Variants in KIFAP3 observed in about 807,000 individuals in gnomAD.
KIFAP3 encodes kinesin associated protein 3, also known as kinesin-associated protein 3.
KIFAP3 carries 68 observed loss-of-function variants against 106.5 expected under a neutral mutation model. That is an observed-to-expected ratio of 0.64 (90% CI 0.53 to 0.78). The LOEUF (loss-of-function observed/expected upper bound fraction) is 0.78. Among genes scored for constraint, KIFAP3 ranks in the 30% least tolerant of loss-of-function variants. The probability of loss-of-function intolerance (pLI) is 0.00; values close to 1 mark genes in which losing one functional copy is unlikely to be tolerated. For synonymous variants in KIFAP3, 320 were observed against 311.5 expected (o/e 1.03, Z -0.29); for missense variants, 780 against 941.8 (o/e 0.83, Z 2.25).
In KIFAP3 at chr1:169,972,469, A is replaced by C. The variant is rs199686811; in HGVS notation, c.1983+44T>G. The C allele has an allele frequency of 1.9e-4, 179 of 941,028 alleles. 1 individual carries two copies. In the East Asian group the frequency reaches 4.4e-3, roughly 23 times the overall value. The allele number at this position is 941,028 out of a possible 1,614,324, so 58.3% of individuals were successfully genotyped here. A position where few individuals can be genotyped will look rare whatever the true frequency, so the allele number is the denominator to read the frequency against. The stretch of plus-strand genomic sequence containing the variant: ...AGGTTTACAATGACTTTCTCCCCCA[A>C]GATGAAGTCAATTATACTTTGTGTA... On this transcript the variant is annotated intron_variant, in intron 17 of 19. Coordinates refer to ENST00000361580, the MANE Select transcript of KIFAP3 (RefSeq NM_014970.4).
At chr1:170,053,949 T>C (rs1670709039) in intron 2 of KIFAP3, among the ~76,000 whole-genome samples, 1 of 152,114 alleles carries the variant, frequency 6.6e-6, no homozygotes, top group Non-Finnish European at 1.5e-5. Context: ...ACTTCATGAC[T>C]AAAACACCAA....
chr1:170,054,247 G>T (rs899741430), intron 2 of KIFAP3, among the ~76,000 whole-genome samples: 1 of 151,990 alleles, frequency 6.6e-6, no homozygotes, highest in Non-Finnish European at 1.5e-5. Context: ...ATGAAAAGAA[G>T]CTCATCATCG....
intron 17 of KIFAP3, among the ~76,000 whole-genome samples, chr1:169,970,646 A>C (rs1665873220): frequency 6.6e-6 from 1 of 152,066 alleles, no homozygotes; most frequent in South Asian, 2.1e-4. Flanking sequence ...TGCTGAGAAT[A>C]CTAGGAAATC....
intron 19 of KIFAP3, among the ~76,000 whole-genome samples, chr1:169,948,211 T>G (rs1221582598): frequency 6.6e-6 from 1 of 151,832 alleles, no homozygotes; most frequent in Non-Finnish European, 1.5e-5. Flanking sequence ...CAACAGGTGT[T>G]TAGGAGTGCT....
At chr1:169,925,075 G>C (rs186857254) in intron 19 of KIFAP3, among the ~76,000 whole-genome samples, 1 of 152,134 alleles carries the variant, frequency 6.6e-6, no homozygotes, top group Non-Finnish European at 1.5e-5. Context: ...ATCCAATCTT[G>C]TAGGGTGCAT....
intron 2 of KIFAP3, among the ~76,000 whole-genome samples, chr1:170,047,156 A>G (rs1670299143): frequency 6.6e-6 from 1 of 152,156 alleles, no homozygotes. Context: ...TATAAAATAT[A>G]TAAAGTCTTT....
Position 170,020,638 on chromosome 1 carries a change from T to TGG in KIFAP3, c.1020+3778_1020+3779dup, listed in dbSNP as rs1250195051. Reference sequence around the variant, plus strand: ...AATTTTTTGTATTTTTTAGTAGAGATGGGGTTTCACTGTATTAGTCACGAT... The same window carrying TGG: ...AATTTTTTGTATTTTTTAGTAGAGATGGGGGGTTTCACTGTATTAGTCACGAT... On this transcript the variant is annotated intron_variant, in intron 9 of 19. Transcript: ENST00000361580. 5.9e-5 allele frequency among the ~76,000 whole-genome samples: 9 copies of TGG among 152,052 alleles called. No individual in the cohort carries two copies. In the South Asian group the frequency reaches 6.2e-4, roughly 11 times the overall value.
chr1:170,000,897 A>G (rs1667631615), intron 10 of KIFAP3, among the ~76,000 whole-genome samples: 1 of 152,264 alleles, frequency 6.6e-6, no homozygotes, highest in East Asian at 1.9e-4. Flanking sequence ...AAGTACAACA[A>G]TAGTTTCTGA....
At chr1:170,074,829 TGTATAAGG>T, upstream of KIFAP3, 1 of 1,036,772 alleles carries the variant, frequency 9.6e-7, no homozygotes, top group Admixed American at 3.8e-5. Flanking sequence ...TGAGCGTCCG[TGTATAAGG>T]AGTGGCTCCG....
intron 2 of KIFAP3, among the ~76,000 whole-genome samples, chr1:170,054,044 G>C (rs1308899167): frequency 6.6e-6 from 1 of 152,168 alleles, no homozygotes; most frequent in Admixed American, 6.5e-5. Context: ...ACTAACATCA[G>C]AGTGAACAGG....
chr1:170,021,447 T>TTTC (rs1668818825), intron 9 of KIFAP3, among the ~76,000 whole-genome samples: 1 of 128,586 alleles, frequency 7.8e-6, no homozygotes, highest in Non-Finnish European at 1.8e-5. Context: ...TTTTTTTTTT[T>TTTC]TTTTTTTTTT....
chr1:170,062,424 T>C (rs1671228376), intron 1 of KIFAP3, among the ~76,000 whole-genome samples: 1 of 152,074 alleles, frequency 6.6e-6, no homozygotes, highest in Non-Finnish European at 1.5e-5. Context: ...ACAAAACTTC[T>C]TTTGTTTTGA....
At chr1:169,967,056 T>C (rs959352947) in intron 17 of KIFAP3, among the ~76,000 whole-genome samples, 1 of 151,828 alleles carries the variant, frequency 6.6e-6, no homozygotes, top group South Asian at 2.1e-4. Flanking sequence ...CTTATGGTTG[T>C]TGAGATTCTA....
At chr1:169,995,313 T>C (rs991738838) in intron 10 of KIFAP3, among the ~76,000 whole-genome samples, 8 of 152,104 alleles carry the variant, frequency 5.3e-5, no homozygotes, top group African/African-American at 1.9e-4. Flanking sequence ...TCTGACTGTA[T>C]TTTACATTAT....
intron 19 of KIFAP3, among the ~76,000 whole-genome samples, chr1:169,932,889 A>G (rs1299002751): frequency 6.6e-6 from 1 of 151,952 alleles, no homozygotes; most frequent in Non-Finnish European, 1.5e-5. Flanking sequence ...AAAATCTCCT[A>G]TTTATTTCAT....
chr1:170,016,496 T>C lies in KIFAP3; in HGVS notation c.1149A>G (p.Gln383=). The C allele has an allele frequency of 1.9e-6, 3 of 1,608,066 alleles. No homozygotes were observed. Among genetic ancestry groups the C allele is most frequent in the Non-Finnish European group, 2.5e-6 (3 of 1,177,646 alleles). The part of the protein sequence containing the change: ...FDTGLRNKMV[Q]VGLLPKLTAL... ...CAGTGAGCTTGGGAAGCAGTCCAACTTGTACCATCTTATTCCTCAGTCCTG... is the reference window on the plus strand; with the variant it reads ...CAGTGAGCTTGGGAAGCAGTCCAACCTGTACCATCTTATTCCTCAGTCCTG... The change falls in exon 10 of 20, where the codon CAA becomes CAG. Residue 383 remains glutamine, a synonymous_variant. Coordinates refer to ENST00000361580, the MANE Select transcript of KIFAP3 (RefSeq NM_014970.4).
chr1:170,074,470 C>A lies in KIFAP3; in HGVS notation c.-3G>T. On this transcript the variant is annotated 5_prime_UTR_variant, in exon 1 of 20. Transcript: ENST00000361580. ...TATCTGGCGTCCTCCCCTTGCATGG[C>A]GGCAGCGGCAGCGGCGTGGAGAGGA... 6.2e-7 allele frequency: 1 copy of A among 1,613,500 alleles called. No individual in the cohort carries two copies. Among genetic ancestry groups the A allele is most frequent in the Non-Finnish European group, 8.5e-7 (1 of 1,179,586 alleles).
intron 18 of KIFAP3, among the ~76,000 whole-genome samples, chr1:169,957,420 CA>C (rs1241251029): frequency 1.3e-5 from 2 of 152,042 alleles, no homozygotes; most frequent in African/African-American, 4.8e-5. Flanking sequence ...CAGTTATGAA[CA>C]AAACAGAGCA....
intron 11 of KIFAP3, chr1:169,990,024 T>C (rs1034924548): frequency 6.4e-7 from 1 of 1,550,430 alleles, no homozygotes; most frequent in African/African-American, 1.4e-5. Context: ...TCTAACAAAA[T>C]TATGGAATTA....
Sources: gnomAD v4.1 joint callset for allele counts (sites outside exome capture counted in the v4.1 genomes callset) on GRCh38, gnomAD v4.1.1 for gene constraint, MANE v1.5 for transcripts, NCBI Gene and HGNC (gene_info 2026-07-23, HGNC 2026-07-21) for gene names.